FAM120B: variants seen among roughly 807,000 people sequenced by gnomAD.
FAM120B encodes the protein constitutive coactivator of peroxisome proliferator-activated receptor gamma.
FAM120B carries 83 observed loss-of-function variants against 96.3 expected under a neutral mutation model. That is an observed-to-expected ratio of 0.86 (90% CI 0.72 to 1.03). The LOEUF (loss-of-function observed/expected upper bound fraction) is 1.03. Ranked by LOEUF, FAM120B falls within the 50% of genes least tolerant of loss-of-function variation. FAM120B has a pLI of 0.00. For synonymous variants in FAM120B, 407 were observed against 402.7 expected, an observed-to-expected ratio of 1.01 and a Z score of -0.13; for missense variants, 1,027 against 1,121.2, an observed-to-expected ratio of 0.92 and a Z score of 1.20.
intron 9 of FAM120B, among the ~76,000 whole-genome samples, chr6:170,400,946 A>T (rs933344458): frequency 6.6e-6 from 1 of 152,158 alleles, no homozygotes; most frequent in African/African-American, 2.4e-5. Context: ...TCATGTGACG[A>T]CAGAGACTAC....
chr6:170,300,110 C>A (rs1216704772), intron 1 of FAM120B, among the ~76,000 whole-genome samples: 2 of 152,162 alleles, frequency 1.3e-5, no homozygotes, highest in African/African-American at 4.8e-5. Context: ...TGTTCTCATG[C>A]TGCTAATAAA....
intron 6 of FAM120B, among the ~76,000 whole-genome samples, chr6:170,367,597 G>A (rs1235487702): frequency 1.3e-5 from 2 of 152,194 alleles, no homozygotes; most frequent in Admixed American, 6.5e-5. Flanking sequence ...GAGACGGCAG[G>A]ATGGGGAGCC....
rs769185858 is a variant in FAM120B, at chr6:170,318,856, C to T, written c.1466C>T (p.Thr489Ile). Residue 489 changes from threonine to isoleucine, a missense_variant, in exon 2 of 11, where the codon ACA (threonine) becomes ATA (isoleucine). This residue lies in a region of FAM120B where 880 missense variants were observed against 980.9 expected (regional missense o/e 0.90). Coordinates refer to ENST00000476287, the MANE Select transcript of FAM120B (RefSeq NM_032448.3). ...TCCAGGCAAGAAGTTTTAATACGGACAGACCCTGAATCTAGGCAAGAAATT... is the reference window on the plus strand; with the variant it reads ...TCCAGGCAAGAAGTTTTAATACGGATAGACCCTGAATCTAGGCAAGAAATT... ...PESRQEVLIR[T>I]DPESRQEIMC... 3.1e-6 allele frequency: 5 copies of T among 1,614,208 alleles called. No homozygotes were observed. The East Asian group carries it at 8.9e-5, about 29-fold the overall frequency.
rs781752046 is a variant in FAM120B, at chr6:170,318,229, G to T, written c.839G>T (p.Gly280Val). ...HISKVLYLYQ[G>V]EKKLEEILPL... ...TCGAAAGTTCTTTACTTGTATCAAGGTGAGAAAAAATTAGAAGAGATATTA... is the reference window on the plus strand; with the variant it reads ...TCGAAAGTTCTTTACTTGTATCAAGTTGAGAAAAAATTAGAAGAGATATTA... Residue 280 changes from glycine (G) to valine (V), a missense_variant, in exon 2 of 11, where the codon GGT becomes GTT. Transcript: ENST00000476287. 1 of 1,613,714 alleles carries T rather than the reference G, an allele frequency of 6.2e-7. No homozygotes were observed. The highest frequency in any genetic ancestry group is 2.2e-5 in the East Asian group (1 of 44,890).
chr6:170,357,850 G>A (rs976479532), intron 5 of FAM120B, among the ~76,000 whole-genome samples: 4 of 152,236 alleles, frequency 2.6e-5, no homozygotes, highest in Admixed American at 2.0e-4. Context: ...CATAGAGAGA[G>A]CTTCACAGCC....
intron 3 of FAM120B, among the ~76,000 whole-genome samples, chr6:170,326,092 T>A (rs1423876185): frequency 6.6e-6 from 1 of 152,202 alleles, no homozygotes; most frequent in Non-Finnish European, 1.5e-5. Context: ...AATTACGGAT[T>A]CACAGGAAGT....
In FAM120B at chr6:170,295,374, C is replaced by T. The variant is rs1033083024; in HGVS notation, c.-32C>T. The T allele has an allele frequency of 2.9e-6, 2 of 700,804 alleles. No homozygotes were observed. Among genetic ancestry groups the T allele is most frequent in the Admixed American group, 4.0e-5 (2 of 49,882 alleles). The allele number at this position is 700,804 out of a possible 1,614,324, so 43.4% of individuals were successfully genotyped here. ...CCCACGAAGCCATCGTTCGTCACAGCCTGGAAAAGGGAGGGGGCATCGATC... is the reference window on the plus strand; with the variant it reads ...CCCACGAAGCCATCGTTCGTCACAGTCTGGAAAAGGGAGGGGGCATCGATC... On this transcript the variant is annotated 5_prime_UTR_variant, in exon 1 of 11. Transcript: ENST00000537664. This position sits in a 1 kb window ranked among gnomAD's most constrained non-coding sequence, Gnocchi z 7.8.
upstream of FAM120B, among the ~76,000 whole-genome samples, chr6:170,293,128 C>G (rs527853637): frequency 1.3e-5 from 2 of 152,026 alleles, no homozygotes; most frequent in African/African-American, 4.8e-5. Flanking sequence ...AAGCTGACTT[C>G]GGAGCATTCT....
intron 4 of FAM120B, among the ~76,000 whole-genome samples, chr6:170,341,542 CA>C (rs961594598): frequency 6.6e-6 from 1 of 151,212 alleles, no homozygotes; most frequent in South Asian, 2.1e-4. Flanking sequence ...TACTGGGGTA[CA>C]AAAAAAAACT....
At chr6:170,400,831 G>T (rs1778536413) in intron 9 of FAM120B, among the ~76,000 whole-genome samples, 1 of 152,226 alleles carries the variant, frequency 6.6e-6, no homozygotes, top group African/African-American at 2.4e-5. Context: ...GCCTGCAGGT[G>T]TGGCCTGGCG....
intron 5 of FAM120B, among the ~76,000 whole-genome samples, chr6:170,352,730 C>T (rs1232035379): frequency 6.6e-6 from 1 of 152,170 alleles, no homozygotes; most frequent in Non-Finnish European, 1.5e-5. Context: ...ACCAGAATCT[C>T]TGGGCTGCAG....
chr6:170,301,339 C>CAA (rs1007007798), intron 1 of FAM120B, among the ~76,000 whole-genome samples: 1 of 152,262 alleles, frequency 6.6e-6, no homozygotes, highest in African/African-American at 2.4e-5. Context: ...TGCAGGGCAC[C>CAA]AAGTCCCTAG....
At chr6:170,397,663 G>A (rs963409735) in intron 9 of FAM120B, among the ~76,000 whole-genome samples, 1 of 152,140 alleles carries the variant, frequency 6.6e-6, no homozygotes, top group African/African-American at 2.4e-5. Context: ...TAGTAATGTC[G>A]GAAATATTGG....
At chr6:170,403,620 C>T (rs1397670716) in intron 9 of FAM120B, among the ~76,000 whole-genome samples, 5 of 152,254 alleles carry the variant, frequency 3.3e-5, no homozygotes, top group Non-Finnish European at 7.4e-5. Context: ...GCAGCTGCCC[C>T]GAGAACAAAG....
intron 9 of FAM120B, among the ~76,000 whole-genome samples, chr6:170,401,248 C>T (rs916557448): frequency 6.6e-6 from 1 of 152,230 alleles, no homozygotes; most frequent in African/African-American, 2.4e-5. Context: ...AGTCCAGAGG[C>T]CACCATGGTT....
intron 9 of FAM120B, among the ~76,000 whole-genome samples, chr6:170,396,201 G>A (rs1239434317): frequency 1.3e-5 from 2 of 152,172 alleles, no homozygotes; most frequent in African/African-American, 4.8e-5. Context: ...TTTGATTTAT[G>A]ATATCTGTGA....
Position 170,370,183 on chromosome 6 carries a change from A to G in FAM120B, c.2283+11865A>G, listed in dbSNP as rs1259111196. On this transcript the variant is annotated intron_variant, in intron 6 of 10. Transcript: ENST00000476287. This position sits in a 1 kb window ranked among gnomAD's most constrained non-coding sequence, Gnocchi z 4.3. ...TTCCTGGCCCTGCTCTCTGCACCTC[A>G]CAGACTTCCCCAGCGGGGCGGCCCC... is the stretch of plus-strand genomic sequence containing the variant. Among the ~76,000 whole-genome samples, 1 of 152,154 alleles carries G rather than the reference A, an allele frequency of 6.6e-6. No individual in the cohort carries two copies. Among genetic ancestry groups the G allele is most frequent in the Non-Finnish European group, 1.5e-5 (1 of 68,018 alleles).
intron 8 of FAM120B, among the ~76,000 whole-genome samples, chr6:170,393,436 T>C (rs986419043): frequency 1.3e-5 from 2 of 152,148 alleles, no homozygotes; most frequent in African/African-American, 4.8e-5. Context: ...GAAACTAAAT[T>C]TTGACTATTT....
upstream of FAM120B, among the ~76,000 whole-genome samples, chr6:170,295,129 C>A (rs1245050241): frequency 6.6e-6 from 1 of 152,228 alleles, no homozygotes; most frequent in African/African-American, 2.4e-5. This position sits in a 1 kb window ranked among gnomAD's most constrained non-coding sequence, Gnocchi z 7.8. Context: ...GGCTGCCACA[C>A]GGGAAGTTCT....
Sources: gnomAD v4.1 joint callset for allele counts (sites outside exome capture counted in the v4.1 genomes callset) on GRCh38, gnomAD v4.1.1 for gene constraint, gnomAD v4.1.1 regional missense constraint, Gnocchi (gnomAD v3.1) non-coding constraint, MANE v1.5 for transcripts, NCBI Gene and HGNC (gene_info 2026-07-23, HGNC 2026-07-21) for gene names.